The following HSD17B6 variants were observed in gnomAD, a reference collection of about 807,000 sequenced individuals.
HSD17B6 encodes the protein hydroxysteroid 17-beta dehydrogenase 6.
Under a neutral mutation model 26.4 loss-of-function variants are expected in HSD17B6, and 16 were observed. The ratio of observed to expected loss-of-function variants is 0.61; its 90% CI spans 0.41 to 0.92. The LOEUF (loss-of-function observed/expected upper bound fraction) is 0.92, where lower values mean the gene tolerates loss of function less well. Ranked by LOEUF, HSD17B6 falls within the 40% of genes least tolerant of loss-of-function variation. HSD17B6 has a pLI of 0.00. For missense variants in HSD17B6, 357 were observed against 386.1 expected (o/e 0.92, Z 0.63); for synonymous variants, 139 against 153.0 (o/e 0.91, Z 0.68).
At chr12:56,772,480 A>G (rs901411516) in intron 1 of HSD17B6, among the ~76,000 whole-genome samples, 1 of 152,036 alleles carries the variant, frequency 6.6e-6, no homozygotes, top group Admixed American at 6.5e-5. Flanking sequence ...GGATCACCTG[A>G]GGTCAGGAGT....
intron 1 of HSD17B6, among the ~76,000 whole-genome samples, chr12:56,768,252 G>A (rs1235069642): frequency 1.3e-5 from 2 of 152,076 alleles, no homozygotes; most frequent in African/African-American, 4.8e-5. Flanking sequence ...GAGAGAGGAA[G>A]CCTTGGGAAT....
intron 2 of HSD17B6, among the ~76,000 whole-genome samples, chr12:56,779,530 G>T (rs1197051380): frequency 1.3e-5 from 2 of 152,020 alleles, no homozygotes; most frequent in African/African-American, 4.8e-5. Context: ...CTTTTGAATT[G>T]ATTGAATTTT....
At chr12:56,783,600 C>G (rs1292380499) in intron 3 of HSD17B6, among the ~76,000 whole-genome samples, 1 of 143,072 alleles carries the variant, frequency 7.0e-6, no homozygotes, top group Admixed American at 6.8e-5. Context: ...GCTGACCCCC[C>G]CACCTCCCTC....
At chr12:56,763,838 A>G (rs994201941) in intron 1 of HSD17B6, among the ~76,000 whole-genome samples, 4 of 151,920 alleles carry the variant, frequency 2.6e-5, no homozygotes, top group Non-Finnish European at 5.9e-5. Flanking sequence ...GAGGTTGAGG[A>G]GTGAGGATCC....
intron 1 of HSD17B6, among the ~76,000 whole-genome samples, chr12:56,771,195 CCTT>C (rs1468238697): frequency 1.3e-5 from 2 of 152,152 alleles, no homozygotes; most frequent in Non-Finnish European, 2.9e-5. Flanking sequence ...ATCTTCTCCT[CCTT>C]CTGTTCCCCT....
intron 1 of HSD17B6, among the ~76,000 whole-genome samples, chr12:56,765,368 A>G (rs975675929): frequency 3.3e-5 from 5 of 151,608 alleles, no homozygotes; most frequent in African/African-American, 4.8e-5. Flanking sequence ...CCTGGGAGGC[A>G]GAGGTTGCAG....
At chr12:56,763,969 T>A (rs1342670069) in intron 1 of HSD17B6, among the ~76,000 whole-genome samples, 4 of 146,698 alleles carry the variant, frequency 2.7e-5, no homozygotes, top group East Asian at 2.0e-4. Context: ...CTTGGGAGGC[T>A]GAGGTGGGAG....
rs190318344 is a variant in HSD17B6, at chr12:56,774,050, C to A, written c.198C>A (p.Ala66=). The A allele has an allele frequency of 7.4e-6, 12 of 1,614,006 alleles. No individual in the cohort carries two copies. The highest frequency in any genetic ancestry group is 7.6e-6 in the Non-Finnish European group (9 of 1,179,954). ...VLAACLTEKG[A]EQLRGQTSDR... ...CTGCGTGTCTGACGGAGAAGGGGGC[C>A]GAGCAGCTGAGGGGCCAGACGTCTG... Residue 66 remains alanine (A), a synonymous_variant, in exon 2 of 5, where the codon GCC becomes GCA. Coordinates refer to ENST00000322165, the MANE Select transcript of HSD17B6 (RefSeq NM_003725.4).
At chr12:56,767,050 C>G (rs1169439486) in intron 1 of HSD17B6, among the ~76,000 whole-genome samples, 1 of 151,976 alleles carries the variant, frequency 6.6e-6, no homozygotes, top group African/African-American at 2.4e-5. Context: ...CCAGGCTGGT[C>G]TTGAAAGGGA....
Position 56,782,001 on chromosome 12 carries a change from G to A in HSD17B6, c.341G>A (p.Gly114Asp). 1.2e-6 allele frequency: 2 copies of A among 1,614,030 alleles called. No homozygotes were observed. Among genetic ancestry groups the A allele is most frequent in the African/African-American group, 1.3e-5 (1 of 74,994 alleles). ...RGLWGLVNNA[G>D]ILTPITLCEW... ...CTCTGGGGACTGGTGAACAATGCAG[G>A]CATTCTTACACCAATTACCTTATGT... The change falls in exon 3 of 5, where the codon GGC becomes GAC. Residue 114 changes from glycine to aspartate, a missense_variant. Physicochemically the swap from Gly to Asp is moderately conservative, Grantham distance 94 (BLOSUM62 -1). Transcript: ENST00000322165.
intron 3 of HSD17B6, among the ~76,000 whole-genome samples, chr12:56,783,712 C>G (rs1234278677): frequency 1.4e-5 from 2 of 147,064 alleles, no homozygotes; most frequent in Non-Finnish European, 3.0e-5. Flanking sequence ...ACCTCCCTCC[C>G]GGACGGGACG....
At chr12:56,777,586 C>T (rs1371738071) in intron 2 of HSD17B6, among the ~76,000 whole-genome samples, 2 of 152,268 alleles carry the variant, frequency 1.3e-5, no homozygotes, top group African/African-American at 4.8e-5. Flanking sequence ...TGGTCTCGAA[C>T]TCCTGACCTC....
chr12:56,774,237 T>C lies in HSD17B6; in HGVS notation c.313+72T>C, dbSNP rs972185981. The stretch of plus-strand genomic sequence containing the variant: ...GGTTATATATACAGTTGTTCCTTGG[T>C]GTCTCCTGGGGATTGGTTCAAGGAC... On this transcript the variant is annotated intron_variant, in intron 2 of 4. Coordinates refer to ENST00000322165, the MANE Select transcript of HSD17B6 (RefSeq NM_003725.4). 3 of 1,383,316 alleles carry C rather than the reference T, an allele frequency of 2.2e-6. No individual in the cohort carries two copies. The African/African-American group carries it at 4.4e-5, about 20-fold the overall frequency. 85.7% of individuals were successfully genotyped at this position (1,383,316 alleles called of 1,614,324 possible). A position where few individuals can be genotyped will look rare whatever the true frequency, so the allele number is the denominator to read the frequency against.
At chr12:56,780,700 A>T (rs937226609) in intron 2 of HSD17B6, among the ~76,000 whole-genome samples, 1 of 152,020 alleles carries the variant, frequency 6.6e-6, no homozygotes, top group Non-Finnish European at 1.5e-5. Context: ...TCTACTAAAA[A>T]TACCAAAAAA....
chr12:56,787,589 G>C lies in HSD17B6; in HGVS notation c.*247G>C, dbSNP rs149739021. The C allele has an allele frequency of 6.1e-4, 287 of 469,706 alleles. No homozygotes were observed. Among genetic ancestry groups the C allele is most frequent in the African/African-American group, 5.1e-3 (260 of 50,994 alleles). 29.1% of individuals were successfully genotyped at this position (469,706 alleles called of 1,614,324 possible). On this transcript the variant is annotated 3_prime_UTR_variant, in exon 5 of 5. Transcript: ENST00000322165. ...ACTATTTGTCTAAAGTGAATCATTT[G>C]TTCTTGCCTTATTAAACAGAGTAGA...
At chr12:56,779,504 C>A (rs1201178137) in intron 2 of HSD17B6, among the ~76,000 whole-genome samples, 1 of 152,072 alleles carries the variant, frequency 6.6e-6, no homozygotes, top group Non-Finnish European at 1.5e-5. Flanking sequence ...CCATTTTTTC[C>A]TGTTTCCTTT....
intron 3 of HSD17B6, among the ~76,000 whole-genome samples, chr12:56,783,633 T>TG (rs1295630403): frequency 8.4e-5 from 3 of 35,618 alleles, no homozygotes; most frequent in Non-Finnish European, 1.4e-4. Flanking sequence ...GCTGGCCGGG[T>TG]GGGGGGCTGA....
chr12:56,782,611 A>T (rs555998472), intron 3 of HSD17B6, among the ~76,000 whole-genome samples: 2 of 150,990 alleles, frequency 1.3e-5, no homozygotes, highest in Admixed American at 6.6e-5. Flanking sequence ...CTTCCACCTC[A>T]ACTTCCCTGG....
chr12:56,774,283 C>T lies in HSD17B6; in HGVS notation c.313+118C>T, dbSNP rs958457598. 2.2e-5 allele frequency: 19 copies of T among 868,552 alleles called. No homozygotes were observed. In the South Asian group the frequency reaches 2.5e-4, roughly 12 times the overall value. The allele number at this position is 868,552 out of a possible 1,614,324, so 53.8% of individuals were successfully genotyped here. ...AGGACTGCTTGTGGATACTAAAATCCGAGGATGCTCAAATCCCTTATATAA... is the reference window on the plus strand; with the variant it reads ...AGGACTGCTTGTGGATACTAAAATCTGAGGATGCTCAAATCCCTTATATAA... On this transcript the variant is annotated intron_variant, in intron 2 of 4. Transcript: ENST00000322165.
Sources: gnomAD v4.1 joint callset for allele counts (sites outside exome capture counted in the v4.1 genomes callset) on GRCh38, gnomAD v4.1.1 for gene constraint, MANE v1.5 for transcripts, NCBI Gene and HGNC (gene_info 2026-07-23, HGNC 2026-07-21) for gene names.